Variants in LNX2 observed in about 807,000 individuals in gnomAD.
LNX2 encodes the protein ligand of numb-protein X 2.
Under a neutral mutation model 66.2 loss-of-function variants are expected in LNX2, and 35 were observed. The observed-to-expected ratio is 0.53, with a 90% CI of 0.40 to 0.70. The LOEUF (loss-of-function observed/expected upper bound fraction) is 0.70. Ranked by LOEUF, LNX2 falls within the 30% of genes least tolerant of loss-of-function variation. The pLI is 0.00. For synonymous variants in LNX2, 337 were observed against 315.6 expected, an observed-to-expected ratio of 1.07 and a Z score of -0.72; for missense variants, 791 against 850.8, an observed-to-expected ratio of 0.93 and a Z score of 0.87.
At chr13:27,603,036 T>C (rs1454852771) in intron 1 of LNX2, among the ~76,000 whole-genome samples, 2 of 152,154 alleles carry the variant, frequency 1.3e-5, no homozygotes, top group Admixed American at 6.5e-5. Flanking sequence ...AGTCACATGA[T>C]TTAAACTACA....
chr13:27,581,230 T>C (rs1312373676), intron 2 of LNX2, 67 bp downstream of exon 2: 1 of 1,342,020 alleles, frequency 7.5e-7, no homozygotes, highest in Non-Finnish European at 9.8e-7. Flanking sequence ...TTTAATCAAG[T>C]TTTTATGTTC....
chr13:27,546,233 G>A lies in LNX2; in HGVS notation c.*2102C>T, dbSNP rs899986732. ...TACTCATTATGCCACCAGGTTCAAT[G>A]TAAGTATTTTGTATATAACAAAGTA... On this transcript the variant is annotated 3_prime_UTR_variant, in exon 10 of 10. Transcript: ENST00000316334. 1 of 152,142 alleles carries A rather than the reference G, an allele frequency of 6.6e-6. No individual in the cohort carries two copies. The highest frequency in any genetic ancestry group is 1.5e-5 in the Non-Finnish European group (1 of 68,014). 9.4% of individuals were successfully genotyped at this position (152,142 alleles called of 1,614,324 possible).
rs1470999230 is a variant in LNX2, at chr13:27,553,329, G to A, written c.1657C>T (p.Leu553Phe). 6.2e-7 allele frequency: 1 copy of A among 1,614,056 alleles called. No individual in the cohort carries two copies. Among genetic ancestry groups the A allele is most frequent in the African/African-American group, 1.3e-5 (1 of 74,924 alleles). ...AASPAVALKA[L>F]EVQIVEEATQ... ...GCCTCCTCAACAATCTGGACCTCAA[G>A]TGCTTTAAGGGCAACAGCAGGGGAC... The change falls in exon 8 of 10, where the codon CTT becomes TTT. Residue 553 changes from leucine to phenylalanine, a missense_variant. Coordinates refer to ENST00000316334, the MANE Select transcript of LNX2 (RefSeq NM_153371.4).
chr13:27,606,887 A>G (rs1477254494), intron 1 of LNX2, among the ~76,000 whole-genome samples: 2 of 152,236 alleles, frequency 1.3e-5, no homozygotes, highest in Non-Finnish European at 2.9e-5. Context: ...ATTAAAAAGC[A>G]AAGTACAGAA....
At chr13:27,593,851 C>T (rs1955570589) in intron 1 of LNX2, among the ~76,000 whole-genome samples, 1 of 151,524 alleles carries the variant, frequency 6.6e-6, no homozygotes, top group Admixed American at 6.6e-5. Flanking sequence ...CTGCCTCTGC[C>T]TCCCAAAGTG....
At chr13:27,581,922 G>T in intron 1 of LNX2, 119 bp from the exon 2 acceptor site, 1 of 388,162 alleles carries the variant, frequency 2.6e-6, no homozygotes, top group Non-Finnish European at 4.5e-6. Context: ...GGTTGAATCA[G>T]GTAATAAATT....
intron 2 of LNX2, among the ~76,000 whole-genome samples, chr13:27,578,201 A>G (rs1006249910): frequency 6.6e-6 from 1 of 152,228 alleles, no homozygotes; most frequent in Admixed American, 6.5e-5. Flanking sequence ...AATTTATGCA[A>G]ACTACTGCTA....
rs59121472 is a variant in LNX2, at chr13:27,584,609, C to A, written c.-100-2806G>T. On this transcript the variant is annotated intron_variant, in intron 1 of 9. Coordinates refer to ENST00000316334, the MANE Select transcript of LNX2 (RefSeq NM_153371.4). ...GCTGAGGCAGGAGGACTGCTTGAGC[C>A]CAGGACTTTGAGGCTGTAGTGAGGC... Among the ~76,000 whole-genome samples the A allele has an allele frequency of 6.8e-3, 1,039 of 151,718 alleles. 12 individuals carry two copies. Among genetic ancestry groups the A allele is most frequent in the African/African-American group, 0.024 (992 of 41,384 alleles).
intron 1 of LNX2, among the ~76,000 whole-genome samples, chr13:27,596,422 G>A (rs946024050): frequency 1.1e-4 from 16 of 152,082 alleles, no homozygotes; most frequent in African/African-American, 3.1e-4. Flanking sequence ...ATTATAAACC[G>A]TGTTTCTAAC....
intron 7 of LNX2, among the ~76,000 whole-genome samples, chr13:27,553,981 C>T (rs1955032414): frequency 6.6e-6 from 1 of 152,038 alleles, no homozygotes; most frequent in African/African-American, 2.4e-5. Flanking sequence ...GAATGTCTTC[C>T]CTGTTTCAGG....
chr13:27,600,832 A>C (rs1955649896), intron 1 of LNX2, among the ~76,000 whole-genome samples: 1 of 152,208 alleles, frequency 6.6e-6, no homozygotes, highest in Admixed American at 6.5e-5. Context: ...ATGCTGAACC[A>C]ATCACAGTAG....
intron 1 of LNX2, among the ~76,000 whole-genome samples, chr13:27,590,727 G>A (rs933330651): frequency 2.0e-5 from 3 of 151,964 alleles, no homozygotes; most frequent in African/African-American, 4.8e-5. Context: ...CAAAAGAATC[G>A]GGTGGATACT....
chr13:27,575,546 T>C (rs1955332906), intron 2 of LNX2, among the ~76,000 whole-genome samples: 1 of 152,072 alleles, frequency 6.6e-6, no homozygotes, highest in Admixed American at 6.5e-5. Context: ...ACTGCTTGAG[T>C]TGTGACATCT....
chr13:27,620,496 TCGC>T lies in LNX2; in HGVS notation c.-225_-223del, dbSNP rs530368033. The T allele has an allele frequency of 2.2e-3, 384 of 171,134 alleles. No individual in the cohort carries two copies. The highest frequency in any genetic ancestry group is 4.0e-3 in the African/African-American group (166 of 41,532). 10.6% of individuals were successfully genotyped at this position (171,134 alleles called of 1,614,324 possible). ...CTGCCCGGCTCCGCTCCGCCAGGAA[TCGC>T]CGCCGCCGCCGCCGCCGCCGCGGAT... On this transcript the variant is annotated 5_prime_UTR_variant, in exon 1 of 10. Transcript: ENST00000316334.
At chr13:27,598,911 G>T (rs2138445525) in intron 1 of LNX2, among the ~76,000 whole-genome samples, 1 of 152,220 alleles carries the variant, frequency 6.6e-6, no homozygotes, top group South Asian at 2.1e-4. Context: ...TAATTTTCCA[G>T]AAGAAAACAT....
Position 27,547,982 on chromosome 13 carries a change from G to A in LNX2, c.*353C>T, listed in dbSNP as rs577313747. On this transcript the variant is annotated 3_prime_UTR_variant, in exon 10 of 10. Transcript: ENST00000316334. ...ATCAGGCCTGAGGGATACAGAACTC[G>A]TTCTATGATTCAGTTACTGAAAACA... 3 of 237,850 alleles carry A rather than the reference G, an allele frequency of 1.3e-5. No homozygotes were observed. Among genetic ancestry groups the A allele is most frequent in the East Asian group, 9.8e-5 (1 of 10,198 alleles). The allele number at this position is 237,850 out of a possible 1,614,324, so 14.7% of individuals were successfully genotyped here.
intron 4 of LNX2, among the ~76,000 whole-genome samples, chr13:27,564,336 T>C (rs141385170): frequency 6.6e-6 from 1 of 151,350 alleles, no homozygotes; most frequent in Non-Finnish European, 1.5e-5. Flanking sequence ...AACATCAGCA[T>C]AGCAAACTAT....
chr13:27,561,176 T>C (rs141873008), intron 5 of LNX2, among the ~76,000 whole-genome samples: 1 of 152,350 alleles, frequency 6.6e-6, no homozygotes, highest in East Asian at 1.9e-4. Context: ...TCTATCTGTG[T>C]ATCTGTATTT....
chr13:27,620,820 C>G (rs1321653302), upstream of LNX2: 3 of 153,168 alleles, frequency 2.0e-5, no homozygotes, highest in Non-Finnish European at 4.4e-5. Flanking sequence ...GCGGAAGCCC[C>G]GCTGGCTAGG....
Sources: allele counts gnomAD v4.1 joint callset (sites outside exome capture counted in the v4.1 genomes callset), GRCh38; gene constraint gnomAD v4.1.1; transcripts MANE v1.5; gene names NCBI Gene and HGNC (gene_info 2026-07-23, HGNC 2026-07-21).